Variants in TRIO observed in about 807,000 individuals in gnomAD.
The protein encoded by TRIO is triple functional domain protein.
In TRIO, 58 loss-of-function variants were observed where a neutral mutation model predicts 351.9. That is an observed-to-expected ratio of 0.16 (90% confidence interval 0.13 to 0.21). TRIO has a LOEUF of 0.21. TRIO is among the 10% of genes least tolerant of loss of function. The pLI is 1.00. For missense variants in TRIO, 3,201 were observed against 4,027.8 expected (o/e 0.79, Z 5.56); for synonymous variants, 1,758 against 1,595.7 (o/e 1.10, Z -2.42).
At chr5:14,283,007 C>A (rs1440604246) in intron 3 of TRIO, among the ~76,000 whole-genome samples, 3 of 152,150 alleles carry the variant, frequency 2.0e-5, no homozygotes, top group Admixed American at 1.3e-4. Flanking sequence ...GGCCCTCTCC[C>A]CCAGGGTCCT....
chr5:14,389,414 T>C lies in TRIO; in HGVS notation c.4058+16T>C, dbSNP rs755309040. 1.3e-6 allele frequency: 2 copies of C among 1,581,002 alleles called. No individual in the cohort carries two copies. Among genetic ancestry groups the C allele is most frequent in the South Asian group, 2.3e-5 (2 of 88,136 alleles). On this transcript the variant is annotated intron_variant, in intron 25 of 56. Transcript: ENST00000344204. ...TTCATAATAAGTGAGTGGCTTTTTC[T>C]TTGGGAGCAGTTACGCTTGAAATCC... is the stretch of plus-strand genomic sequence containing the variant.
intron 10 of TRIO, among the ~76,000 whole-genome samples, chr5:14,332,964 T>A (rs1233608713): frequency 1.3e-5 from 2 of 152,208 alleles, no homozygotes; most frequent in African/African-American, 2.4e-5. Flanking sequence ...CAAGAGCCAC[T>A]AGAAGCCAAA....
At chr5:14,232,249 C>A (rs1793483289) in intron 1 of TRIO, among the ~76,000 whole-genome samples, 1 of 152,170 alleles carries the variant, frequency 6.6e-6, no homozygotes, top group Non-Finnish European at 1.5e-5. Flanking sequence ...GTGAGTGAGG[C>A]ATGCCCTCCT....
chr5:14,207,880 C>T (rs1409635010), intron 1 of TRIO, among the ~76,000 whole-genome samples: 10 of 152,108 alleles, frequency 6.6e-5, no homozygotes, highest in Admixed American at 2.0e-4. Context: ...TAAATAGACA[C>T]TCAACAAAGA....
intron 34 of TRIO, among the ~76,000 whole-genome samples, chr5:14,447,534 A>G (rs113996516): frequency 3.8e-4 from 58 of 152,338 alleles, no homozygotes; most frequent in African/African-American, 1.4e-3. Flanking sequence ...TAATTGCACA[A>G]TTTTTAAAAC....
At chr5:14,268,482 T>G (rs1325753963) in intron 1 of TRIO, among the ~76,000 whole-genome samples, 2 of 152,200 alleles carry the variant, frequency 1.3e-5, no homozygotes, top group African/African-American at 4.8e-5. Flanking sequence ...CTCTCTAGTG[T>G]CGGAGCCAGG....
intron 34 of TRIO, among the ~76,000 whole-genome samples, chr5:14,422,301 A>G (rs1339615449): frequency 6.6e-6 from 1 of 152,156 alleles, no homozygotes; most frequent in Non-Finnish European, 1.5e-5. Context: ...TATTAAAGTT[A>G]GTTTCTTATA....
intron 1 of TRIO, among the ~76,000 whole-genome samples, chr5:14,177,971 T>C (rs943769710): frequency 6.6e-6 from 1 of 152,284 alleles, no homozygotes; most frequent in African/African-American, 2.4e-5. Flanking sequence ...TTTACTTGAT[T>C]ATTTTATATT....
intron 1 of TRIO, among the ~76,000 whole-genome samples, chr5:14,163,511 G>C (rs1253498552): frequency 1.3e-5 from 2 of 152,154 alleles, no homozygotes; most frequent in Non-Finnish European, 1.5e-5. Flanking sequence ...GCCAACTAAA[G>C]GGTATTTTCT....
At position 14,507,285 on chromosome 5, in the gene TRIO, A is replaced by AG. The variant is rs761884675; in HGVS notation, c.8751+31dup. 9.3e-6 allele frequency: 15 copies of AG among 1,609,806 alleles called. No individual in the cohort carries two copies. The South Asian group carries it at 1.1e-4, about 12-fold the overall frequency. ...GGTTGGTGAGGCCCCGGGCAGGTGA[A>AG]GGGGGGTCTGAGCACACCGGCTTGG... On this transcript the variant is annotated intron_variant, in intron 56 of 56. Transcript: ENST00000344204.
intron 1 of TRIO, among the ~76,000 whole-genome samples, chr5:14,238,390 G>A (rs1793915363): frequency 6.6e-6 from 1 of 152,140 alleles, no homozygotes; most frequent in African/African-American, 2.4e-5. Flanking sequence ...TGCATGGTAT[G>A]GTGTTAAGTA....
At chr5:14,303,022 T>C (rs1738036806) in intron 7 of TRIO, among the ~76,000 whole-genome samples, 1 of 151,382 alleles carries the variant, frequency 6.6e-6, no homozygotes, top group Non-Finnish European at 1.5e-5. Context: ...TGAGCCAGGG[T>C]TGGGATGGCT....
rs781279804 is a variant in TRIO, at chr5:14,368,750, G to A, written c.2917G>A (p.Ala973Thr). 52 of 1,613,994 alleles carry A rather than the reference G, an allele frequency of 3.2e-5. No homozygotes were observed. Among genetic ancestry groups the A allele is most frequent in the Non-Finnish European group, 4.1e-5 (48 of 1,180,020 alleles). ...GCTGCAGGTGCAGCAGAAGGCAGAA[G>A]CCATGCTACAGGCCAACCACTACGA... is the stretch of plus-strand genomic sequence containing the variant. ...SALQVQQKAE[A>T]MLQANHYDMD... The change falls in exon 17 of 57, where the codon GCC becomes ACC. Residue 973 changes from alanine (A) to threonine (T), a missense_variant. By Grantham distance (58) the Ala-to-Thr change is moderately conservative (BLOSUM62 0). Around this residue, in one of 19 missense-constraint regions of TRIO, gnomAD observed 363 missense variants for 553.5 expected, o/e 0.66. Coordinates refer to ENST00000344204, the MANE Select transcript of TRIO (RefSeq NM_007118.4).
At position 14,143,852 on chromosome 5, in the gene TRIO, C is replaced by T; in HGVS notation, c.127C>T (p.Leu43=). The part of the protein sequence containing the change: ...GEGAEEAAKD[L]ADIAAFFRSG... ...GGGGGCAGAGGAGGCGGCCAAGGAC[C>T]TGGCCGACATCGCGGCCTTCTTCCG... Residue 43 remains leucine, a synonymous_variant, in exon 1 of 57, where the codon CTG becomes TTG. Coordinates refer to ENST00000344204, the MANE Select transcript of TRIO (RefSeq NM_007118.4). 9.3e-7 allele frequency: 1 copy of T among 1,074,520 alleles called. No individual in the cohort carries two copies. Among genetic ancestry groups the T allele is most frequent in the Non-Finnish European group, 1.1e-6 (1 of 888,634 alleles). 66.6% of individuals were successfully genotyped at this position (1,074,520 alleles called of 1,614,324 possible).
intron 33 of TRIO, among the ~76,000 whole-genome samples, chr5:14,409,680 A>G (rs1164272527): frequency 6.6e-6 from 1 of 151,920 alleles, no homozygotes; most frequent in African/African-American, 2.4e-5. Flanking sequence ...TAAAAATGTA[A>G]AAAATTAGTC....
chr5:14,202,132 GAAAA>G (rs1171273172), intron 1 of TRIO, among the ~76,000 whole-genome samples: 2 of 150,008 alleles, frequency 1.3e-5, no homozygotes, highest in African/African-American at 4.9e-5. Flanking sequence ...AAAAAAAAAA[GAAAA>G]AAGGTGAAAA....
chr5:14,281,242 A>T (rs2152277174), intron 3 of TRIO, among the ~76,000 whole-genome samples: 1 of 152,282 alleles, frequency 6.6e-6, no homozygotes, highest in African/African-American at 2.4e-5. Flanking sequence ...ATGGCTAGGG[A>T]GCCCTCAGGA....
In TRIO at chr5:14,472,582, T is replaced by C. The variant is rs764715985; in HGVS notation, c.5913-10T>C. Reference sequence around the variant, plus strand: ...CAGTTTGCATGATAAACAATATTTTTTCTCTCCAGCTACGTTTTGCAAGAA... The same window carrying C: ...CAGTTTGCATGATAAACAATATTTTCTCTCTCCAGCTACGTTTTGCAAGAA... On this transcript the variant is annotated splice_polypyrimidine_tract_variant and intron_variant, in intron 38 of 56. Coordinates refer to ENST00000344204, the MANE Select transcript of TRIO (RefSeq NM_007118.4). The C allele has an allele frequency of 2.5e-6, 4 of 1,613,672 alleles. No individual in the cohort carries two copies. The highest frequency in any genetic ancestry group is 1.7e-5 in the Admixed American group (1 of 59,950).
rs565266686 is a variant in TRIO at position 14,500,838 on chromosome 5, G to A, written c.8333-1741G>A. On this transcript the variant is annotated intron_variant, in intron 53 of 56. Transcript: ENST00000344204. ...TGGGATGTTGAAATTGCAGTGAGTC[G>A]AGATTGCACCACTGCGCTCCATCCT... 5.5e-5 allele frequency among the ~76,000 whole-genome samples: 8 copies of A among 144,240 alleles called. No homozygotes were observed. The South Asian group carries it at 1.5e-3, about 28-fold the overall frequency. The allele number at this position is 144,240 out of a possible 152,430, so 94.6% of individuals were successfully genotyped here. A position where few individuals can be genotyped will look rare whatever the true frequency, so the allele number is the denominator to read the frequency against.
Sources: allele counts gnomAD v4.1 joint callset (sites outside exome capture counted in the v4.1 genomes callset), GRCh38; gene constraint gnomAD v4.1.1; regional missense constraint gnomAD v4.1.1; transcripts MANE v1.5; gene names NCBI Gene and HGNC (gene_info 2026-07-23, HGNC 2026-07-21).